The following MNDA variants were observed in gnomAD, a reference collection of about 807,000 sequenced individuals.
MNDA encodes epididymis secretory sperm binding protein.
MNDA carries 43 observed loss-of-function variants against 37.8 expected under a neutral mutation model. That is an observed-to-expected ratio of 1.14 (90% CI 0.89 to 1.47). The LOEUF is 1.47. Ranked by LOEUF, MNDA falls within the 40% of genes most tolerant of loss-of-function variation. The pLI is 0.00. For synonymous variants in MNDA, 181 were observed against 169.0 expected (o/e 1.07, Z -0.55); for missense variants, 536 against 476.0 (o/e 1.13, Z -1.17).
intron 5 of MNDA, among the ~76,000 whole-genome samples, chr1:158,846,586 T>C (rs1659138515): frequency 6.6e-6 from 1 of 152,154 alleles, no homozygotes; most frequent in South Asian, 2.1e-4. Flanking sequence ...AATTCCATGA[T>C]ACTTAAAGGA....
intron 4 of MNDA, among the ~76,000 whole-genome samples, chr1:158,845,173 G>C (rs546868179): frequency 6.6e-6 from 1 of 152,286 alleles, no homozygotes; most frequent in East Asian, 1.9e-4. Flanking sequence ...GCTCTGCAGA[G>C]TCACTCGTGC....
At chr1:158,833,945 G>A (rs905008346) in intron 1 of MNDA, among the ~76,000 whole-genome samples, 1 of 152,028 alleles carries the variant, frequency 6.6e-6, no homozygotes, top group African/African-American at 2.4e-5. Flanking sequence ...CATAGCATCT[G>A]AACCATTTTA....
chr1:158,842,655 G>A (rs1659054002), intron 2 of MNDA: 3 of 346,364 alleles, frequency 8.7e-6, no homozygotes, highest in Non-Finnish European at 1.6e-5. Context: ...CCAAAGACAG[G>A]GATTTATGAG....
intron 5 of MNDA, 108 bp downstream of exon 5, chr1:158,846,111 T>G (rs1659128861): frequency 3.8e-6 from 4 of 1,051,022 alleles, no homozygotes; most frequent in Non-Finnish European, 5.5e-6. Context: ...TTATATTGAC[T>G]AGAGATAGTG....
In MNDA at chr1:158,845,840, A is replaced by G; in HGVS notation, c.824A>G (p.Lys275Arg). The change falls in exon 5 of 7, where the codon AAA (lysine) becomes AGA (arginine). Residue 275 changes from lysine (K) to arginine (R), a missense_variant. Lys to Arg is a conservative substitution (Grantham distance 26, BLOSUM62 2). Coordinates refer to ENST00000368141, the MANE Select transcript of MNDA (RefSeq NM_002432.3). ...VITISDYSECKGVMEIKEASS... is the reference protein window; with the variant it reads ...VITISDYSECRGVMEIKEASS... Reference sequence around the variant, plus strand: ...ACCATATCTGATTACTCTGAATGTAAAGGAGTAATGGAAATAAAGGAAGCA... The same window carrying G: ...ACCATATCTGATTACTCTGAATGTAGAGGAGTAATGGAAATAAAGGAAGCA... The G allele has an allele frequency of 6.2e-7, 1 of 1,614,178 alleles. No individual in the cohort carries two copies. Among genetic ancestry groups the G allele is most frequent in the Non-Finnish European group, 8.5e-7 (1 of 1,180,006 alleles).
In MNDA at chr1:158,845,602, G is replaced by T. The variant is rs1165671873; in HGVS notation, c.586G>T (p.Ala196Ser). The T allele has an allele frequency of 2.5e-6, 4 of 1,611,728 alleles. No homozygotes were observed. The change falls in exon 5 of 7, where the codon GCC (alanine) becomes TCC (serine). Residue 196 changes from alanine (A) to serine (S), a missense_variant. Transcript: ENST00000368141. Reference protein sequence around the residue: ...TSFTPNQETQAQRQVDARRNV... With the variant: ...TSFTPNQETQSQRQVDARRNV... Reference sequence around the variant, plus strand: ...CCCAACACAGAATCAGGAAACCCAGGCCCAACGGCAGGTGGATGCAAGAAG... The same window carrying T: ...CCCAACACAGAATCAGGAAACCCAGTCCCAACGGCAGGTGGATGCAAGAAG...
chr1:158,843,455 A>G, intron 3 of MNDA, 40 bp downstream of exon 3: 4 of 1,547,318 alleles, frequency 2.6e-6, no homozygotes, highest in Non-Finnish European at 3.5e-6. Context: ...AGCCTCACAG[A>G]AGATACTCTG....
rs768618151 is a variant in MNDA, at chr1:158,844,170, A to C, written c.570+48A>C. The C allele has an allele frequency of 4.2e-6, 6 of 1,424,842 alleles. No homozygotes were observed. In the African/African-American group the frequency reaches 8.6e-5, roughly 20 times the overall value. The allele number at this position is 1,424,842 out of a possible 1,614,324, so 88.3% of individuals were successfully genotyped here. On this transcript the variant is annotated intron_variant, in intron 4 of 6. Coordinates refer to ENST00000368141, the MANE Select transcript of MNDA (RefSeq NM_002432.3). ...CTCCATTTTTTTTTAACCCAGTCAC[A>C]GTGCATTCCACTGTTACTATTGTTA...
chr1:158,842,610 A>T, intron 2 of MNDA, 192 bp downstream of exon 2: 1 of 479,164 alleles, frequency 2.1e-6, no homozygotes, highest in South Asian at 5.2e-5. Flanking sequence ...AGATTGATAT[A>T]TTTAGAAGAA....
rs1659203319 is a variant in MNDA at position 158,849,343 on chromosome 1, A to C, written c.*106A>C. On this transcript the variant is annotated 3_prime_UTR_variant, in exon 7 of 7. Transcript: ENST00000368141. Reference sequence around the variant, plus strand: ...TAATTCATTTAAATGATGTTTCAGTAGATATATTCTAGCATATTAAGAGCT... The same window carrying C: ...TAATTCATTTAAATGATGTTTCAGTCGATATATTCTAGCATATTAAGAGCT... 1.0e-6 allele frequency: 1 copy of C among 991,838 alleles called. No homozygotes were observed. Among genetic ancestry groups the C allele is most frequent in the Admixed American group, 2.2e-5 (1 of 45,450 alleles). The allele number at this position is 991,838 out of a possible 1,614,324, so 61.4% of individuals were successfully genotyped here.
chr1:158,845,988 G>A lies in MNDA; in HGVS notation c.972G>A (p.Leu324=), dbSNP rs370963466. Residue 324 remains leucine (L), a synonymous_variant, in exon 5 of 7, where the codon TTG becomes TTA. Transcript: ENST00000368141. Reference sequence around the variant, plus strand: ...CATCTGGAACAATGGTGTATGGGTTGTTTATGTTACAAAAGGTAAACCCTT... The same window carrying A: ...CATCTGGAACAATGGTGTATGGGTTATTTATGTTACAAAAGGTAAACCCTT... ...KQASGTMVYG[L]FMLQKKSVHK... 1.2e-4 allele frequency: 200 copies of A among 1,601,848 alleles called. No homozygotes were observed. The highest frequency in any genetic ancestry group is 1.6e-4 in the Non-Finnish European group (184 of 1,174,952).
chr1:158,847,341 A>G (rs1409194820), intron 5 of MNDA, among the ~76,000 whole-genome samples: 1 of 152,176 alleles, frequency 6.6e-6, no homozygotes, highest in Non-Finnish European at 1.5e-5. Flanking sequence ...ATAAAGTGAA[A>G]TTCCTCATAA....
Position 158,844,240 on chromosome 1 carries a change from C to A in MNDA, c.570+118C>A, listed in dbSNP as rs141025001. ...ATATTACTGATTTGCTGTGGGAAAA[C>A]TGTTTTCCATATTATGATAACTTGT... is the stretch of plus-strand genomic sequence containing the variant. On this transcript the variant is annotated intron_variant, in intron 4 of 6. Coordinates refer to ENST00000368141, the MANE Select transcript of MNDA (RefSeq NM_002432.3). The A allele has an allele frequency of 1.8e-3, 1,952 of 1,087,982 alleles. 19 individuals carry two copies. In the African/African-American group the frequency reaches 0.026, roughly 15 times the overall value. The allele number at this position is 1,087,982 out of a possible 1,614,324, so 67.4% of individuals were successfully genotyped here.
At chr1:158,832,264 C>T (rs16841139) in intron 1 of MNDA, among the ~76,000 whole-genome samples, 4,581 of 151,970 alleles carry the variant, frequency 0.03, 205 homozygotes, top group African/African-American at 0.11. Context: ...TGAATGTTTT[C>T]TAATTACTCC....
rs981832776 is a variant in MNDA at position 158,848,910 on chromosome 1, TA to T, written c.1177-271del. Reference sequence around the variant, plus strand: ...TGCAAATGTTACAAATCGAAACTTTTAAAAAAAAATGGGTAGTTGGTTAACC... The same window carrying T: ...TGCAAATGTTACAAATCGAAACTTTTAAAAAAAATGGGTAGTTGGTTAACC... On this transcript the variant is annotated intron_variant, in intron 6 of 6. Transcript: ENST00000368141. Among the ~76,000 whole-genome samples the T allele has an allele frequency of 2.9e-4, 44 of 151,316 alleles. No individual in the cohort carries two copies. In the East Asian group the frequency reaches 4.8e-3, roughly 17 times the overall value.
intron 1 of MNDA, among the ~76,000 whole-genome samples, chr1:158,833,706 C>T (rs1192275024): frequency 6.6e-6 from 1 of 152,060 alleles, no homozygotes; most frequent in Non-Finnish European, 1.5e-5. Flanking sequence ...CATGTATTTA[C>T]CATAAAATAC....
chr1:158,838,208 C>T (rs1228454517), intron 1 of MNDA, among the ~76,000 whole-genome samples: 1 of 151,890 alleles, frequency 6.6e-6, no homozygotes, highest in Non-Finnish European at 1.5e-5. Flanking sequence ...GTTTGAGTTA[C>T]CATCTAGCAT....
At position 158,842,311 on chromosome 1, in the gene MNDA, A is replaced by T. The variant is rs565724910; in HGVS notation, c.158A>T (p.Glu53Val). The stretch of plus-strand genomic sequence containing the variant: ...AGAATTAAGATTACAGATTTGATGG[A>T]AAAAAAGTTCCAAGGCGTTGCCTGT... ...YNRIKITDLMEKKFQGVACLD... is the reference protein window; with the variant it reads ...YNRIKITDLMVKKFQGVACLD... The change falls in exon 2 of 7, where the codon GAA becomes GTA. Residue 53 changes from glutamate to valine, a missense_variant. Physicochemically the swap from Glu to Val is moderately radical, Grantham distance 121. Coordinates refer to ENST00000368141, the MANE Select transcript of MNDA (RefSeq NM_002432.3). 160 of 1,613,918 alleles carry T rather than the reference A, an allele frequency of 9.9e-5. 2 individuals are homozygous for T. In the South Asian group the frequency reaches 1.6e-3, roughly 17 times the overall value.
At position 158,844,374 on chromosome 1, in the gene MNDA, G is replaced by A. The variant is rs146910246; in HGVS notation, c.570+252G>A. Reference sequence around the variant, plus strand: ...AAGCATTTCTGGTCTGTGCAGGTAAGTAGCCTGGCTCCTAGTACCAGTACA... The same window carrying A: ...AAGCATTTCTGGTCTGTGCAGGTAAATAGCCTGGCTCCTAGTACCAGTACA... On this transcript the variant is annotated intron_variant, in intron 4 of 6. Coordinates refer to ENST00000368141, the MANE Select transcript of MNDA (RefSeq NM_002432.3). Among the ~76,000 whole-genome samples the A allele has an allele frequency of 8.9e-3, 1,348 of 151,558 alleles. 15 individuals carry two copies. The highest frequency in any genetic ancestry group is 0.015 in the Non-Finnish European group (989 of 67,892).
Sources: gnomAD v4.1 joint callset for allele counts (sites outside exome capture counted in the v4.1 genomes callset) on GRCh38, gnomAD v4.1.1 for gene constraint, MANE v1.5 for transcripts, NCBI Gene and HGNC (gene_info 2026-07-23, HGNC 2026-07-21) for gene names.